The following SLC1A7 variants were observed in gnomAD, a reference collection of about 807,000 sequenced individuals.
The protein encoded by SLC1A7 is solute carrier family 1 member 7, also known as excitatory amino acid transporter 5.
SLC1A7 carries 40 observed loss-of-function variants against 47.7 expected under a neutral mutation model. That is an observed-to-expected ratio of 0.84 (90% confidence interval 0.65 to 1.09). The LOEUF is 1.09. Among genes scored for constraint, SLC1A7 ranks in the 50% least tolerant of loss-of-function variants. The pLI is 0.00. For synonymous variants in SLC1A7, 323 were observed against 325.6 expected (o/e 0.99, Z 0.09); for missense variants, 746 against 769.5 (o/e 0.97, Z 0.36).
intron 2 of SLC1A7, among the ~76,000 whole-genome samples, chr1:53,124,494 G>T (rs747011257): frequency 6.6e-6 from 1 of 152,192 alleles, no homozygotes; most frequent in African/African-American, 2.4e-5. Context: ...GGAGGCTCTA[G>T]CTGGATCCAG....
At chr1:53,092,045 C>G (rs991646256) in intron 7 of SLC1A7, among the ~76,000 whole-genome samples, 3 of 152,236 alleles carry the variant, frequency 2.0e-5, no homozygotes, top group Non-Finnish European at 4.4e-5. Flanking sequence ...GAGTCTCCCC[C>G]AGTCTGTGCA....
chr1:53,136,716 G>A (rs1473646884), intron 1 of SLC1A7, among the ~76,000 whole-genome samples: 3 of 142,434 alleles, frequency 2.1e-5, no homozygotes, highest in Admixed American at 7.1e-5. Context: ...ACCCAGGCAG[G>A]AGGGCAGTGG....
intron 5 of SLC1A7, among the ~76,000 whole-genome samples, chr1:53,095,412 T>A (rs947422295): frequency 2.6e-5 from 4 of 151,798 alleles, no homozygotes; most frequent in Non-Finnish European, 5.9e-5. Context: ...CCTGCCTTGG[T>A]ACACTCACAC....
intron 2 of SLC1A7, among the ~76,000 whole-genome samples, chr1:53,125,037 GA>G (rs1644867404): frequency 1.3e-5 from 2 of 152,264 alleles, no homozygotes; most frequent in East Asian, 1.9e-4. Context: ...CCTGCTCGGG[GA>G]AGAATGGGAA....
chr1:53,104,744 G>A (rs962317716), intron 4 of SLC1A7, among the ~76,000 whole-genome samples: 3 of 152,122 alleles, frequency 2.0e-5, no homozygotes, highest in Non-Finnish European at 4.4e-5. Flanking sequence ...CTTCCTTTGT[G>A]TCCCCAGGCT....
intron 10 of SLC1A7, among the ~76,000 whole-genome samples, 185 bp from the exon 11 acceptor site, chr1:53,088,412 C>A (rs906556475): frequency 1.3e-5 from 2 of 152,120 alleles, no homozygotes; most frequent in Non-Finnish European, 2.9e-5. Flanking sequence ...AAGCGTCCTG[C>A]CTCCCACTGG....
Position 53,088,773 on chromosome 1 carries a change from G to A in SLC1A7, c.1464+104C>T, listed in dbSNP as rs534781368. The A allele has an allele frequency of 1.1e-5, 9 of 789,794 alleles. No homozygotes were observed. In the East Asian group the frequency reaches 2.1e-4, roughly 18 times the overall value. The allele number at this position is 789,794 out of a possible 1,614,324, so 48.9% of individuals were successfully genotyped here. A position where few individuals can be genotyped will look rare whatever the true frequency, so the allele number is the denominator to read the frequency against. ...ACCGAGGCCCAGAGGCATGGAGGGA[G>A]GGATTGGCTGGAGGCTGCCGAGCTG... On this transcript the variant is annotated intron_variant, in intron 10 of 10. Transcript: ENST00000371494.
At position 53,134,379 on chromosome 1, in the gene SLC1A7, C is replaced by A. The variant is rs1644970628; in HGVS notation, c.186G>T (p.Lys62Asn). 6.2e-7 allele frequency: 1 copy of A among 1,613,426 alleles called. No homozygotes were observed. Among genetic ancestry groups the A allele is most frequent in the South Asian group, 1.1e-5 (1 of 90,820 alleles). ...FPGELLMRML[K>N]MMILPLVVSS... The stretch of plus-strand genomic sequence containing the variant: ...AGACCACCAGTGGCAGGATCATCAT[C>A]TTCAGCATCCTCATCAGGAGCTCTC... Residue 62 changes from lysine to asparagine, a missense_variant, in exon 2 of 11, where the codon AAG becomes AAT. By Grantham distance (94) the Lys-to-Asn change is moderately conservative. Transcript: ENST00000371494.
chr1:53,105,415 C>T (rs1644628181), intron 4 of SLC1A7, among the ~76,000 whole-genome samples: 1 of 152,306 alleles, frequency 6.6e-6, no homozygotes, highest in Non-Finnish European at 1.5e-5. Flanking sequence ...AAGTGGGGCT[C>T]ATCCTACCTC....
At chr1:53,120,727 G>T (rs1644810340) in intron 2 of SLC1A7, among the ~76,000 whole-genome samples, 1 of 152,226 alleles carries the variant, frequency 6.6e-6, no homozygotes, top group African/African-American at 2.4e-5. Flanking sequence ...CTGCTAGTGG[G>T]CTCAACCCGA....
intron 2 of SLC1A7, among the ~76,000 whole-genome samples, chr1:53,117,197 G>C (rs959466734): frequency 2.6e-5 from 4 of 152,200 alleles, no homozygotes; most frequent in African/African-American, 9.7e-5. Context: ...GCAGAAGGGA[G>C]GCTGGAAAGT....
chr1:53,114,926 A>G lies in SLC1A7; in HGVS notation c.263T>C (p.Leu88Pro). 6.2e-7 allele frequency: 1 copy of G among 1,614,122 alleles called. No homozygotes were observed. Among genetic ancestry groups the G allele is most frequent in the Non-Finnish European group, 8.5e-7 (1 of 1,180,030 alleles). ...ASLDAKTSSR[L>P]GVLTVAYYLW... The stretch of plus-strand genomic sequence containing the variant: ...GTAGTACGCCACGGTGAGGACGCCC[A>G]GGCGGCTAGAGGTCTTGGCATCCAG... The change falls in exon 3 of 11, where the codon CTG becomes CCG. Residue 88 changes from leucine to proline, a missense_variant. Leu to Pro is a moderately conservative substitution (Grantham distance 98, BLOSUM62 -3). Transcript: ENST00000371494.
chr1:53,099,279 C>T (rs61770786), intron 5 of SLC1A7, among the ~76,000 whole-genome samples: 2 of 6,036 alleles, frequency 3.3e-4, no homozygotes, highest in Admixed American at 2.4e-3. Flanking sequence ...CATACCGTCT[C>T]GGTACACACA....
At chr1:53,131,996 G>A (rs1383546620) in intron 2 of SLC1A7, among the ~76,000 whole-genome samples, 1 of 152,178 alleles carries the variant, frequency 6.6e-6, no homozygotes, top group Non-Finnish European at 1.5e-5. Context: ...GATGTAAGAT[G>A]TTGGGGAAGC....
chr1:53,088,117 G>A lies in SLC1A7; in HGVS notation c.1575C>T (p.Pro525=), dbSNP rs1300475287. Residue 525 remains proline (P), a synonymous_variant, in exon 11 of 11, where the codon CCC becomes CCT. Coordinates refer to ENST00000371494, the MANE Select transcript of SLC1A7 (RefSeq NM_006671.6). ...VAEASELTLG[P]TCPHHVPVQV... Reference sequence around the variant, plus strand: ...GAACGGGGACGTGGTGGGGGCAGGTGGGGCCCAGGGTGAGCTCGGAGGCCT... The same window carrying A: ...GAACGGGGACGTGGTGGGGGCAGGTAGGGCCCAGGGTGAGCTCGGAGGCCT... The A allele has an allele frequency of 1.2e-6, 2 of 1,612,470 alleles. No homozygotes were observed. The highest frequency in any genetic ancestry group is 1.7e-6 in the Non-Finnish European group (2 of 1,179,132).
In SLC1A7 at chr1:53,088,991, A is replaced by C; in HGVS notation, c.1362-12T>G. 1 of 1,611,122 alleles carries C rather than the reference A, an allele frequency of 6.2e-7. No individual in the cohort carries two copies. The highest frequency in any genetic ancestry group is 8.5e-7 in the Non-Finnish European group (1 of 1,177,446). On this transcript the variant is annotated splice_polypyrimidine_tract_variant and intron_variant, in intron 9 of 10. Transcript: ENST00000371494. ...TGCGGAAACGGTCCCTGGTGAGCCA[A>C]GGTTGGGGGTGAGTGGTGGGCACTT...
At chr1:53,101,194 T>C (rs1429380634) in intron 5 of SLC1A7, among the ~76,000 whole-genome samples, 1 of 124,442 alleles carries the variant, frequency 8.0e-6, no homozygotes, top group East Asian at 2.7e-4. Flanking sequence ...ACACAAATCG[T>C]CTTGGTACTC....
chr1:53,136,638 A>T (rs12031872), intron 1 of SLC1A7, among the ~76,000 whole-genome samples: 22 of 42,840 alleles, frequency 5.1e-4, no homozygotes, highest in African/African-American at 1.4e-3. Context: ...ATAATATATA[A>T]AAACATATAT....
At chr1:53,097,493 ACACCC>A (rs1644510518) in intron 5 of SLC1A7, among the ~76,000 whole-genome samples, 1 of 150,624 alleles carries the variant, frequency 6.6e-6, no homozygotes, top group Non-Finnish European at 1.5e-5. Flanking sequence ...GTACACTCAC[ACACCC>A]CACCTCGGTA....
Sources: gnomAD v4.1 joint callset for allele counts (sites outside exome capture counted in the v4.1 genomes callset) on GRCh38, gnomAD v4.1.1 for gene constraint, MANE v1.5 for transcripts, NCBI Gene and HGNC (gene_info 2026-07-23, HGNC 2026-07-21) for gene names.